RASL11B: variants seen among roughly 807,000 people sequenced by gnomAD.
RASL11B encodes ras-like protein family member 11B.
RASL11B carries 14 observed loss-of-function variants against 22.9 expected under a neutral mutation model. The observed-to-expected ratio is 0.61, with a 90% CI of 0.40 to 0.96. The LOEUF is 0.96. Among genes scored for constraint, RASL11B ranks in the 40% least tolerant of loss-of-function variants. RASL11B has a pLI of 0.00. For missense variants in RASL11B, 261 were observed against 322.0 expected (o/e 0.81, Z 1.45); for synonymous variants, 143 against 130.2 (o/e 1.10, Z -0.67).
Position 52,866,718 on chromosome 4 carries a change from A to C in RASL11B, c.*913A>C, listed in dbSNP as rs1718268556. 1.3e-5 allele frequency: 2 copies of C among 152,646 alleles called. No homozygotes were observed. The highest frequency in any genetic ancestry group is 4.1e-4 in the South Asian group (2 of 4,834). 9.5% of individuals were successfully genotyped at this position (152,646 alleles called of 1,614,324 possible). A position where few individuals can be genotyped will look rare whatever the true frequency, so the allele number is the denominator to read the frequency against. ...ATACTAAAACACTTATCTTACAGCAAGTGAACAGGGGCTACCTGCCACATC... is the reference window on the plus strand; with the variant it reads ...ATACTAAAACACTTATCTTACAGCACGTGAACAGGGGCTACCTGCCACATC... On this transcript the variant is annotated 3_prime_UTR_variant, in exon 4 of 4. Coordinates refer to ENST00000248706, the MANE Select transcript of RASL11B (RefSeq NM_023940.3).
At position 52,863,646 on chromosome 4, in the gene RASL11B, T is replaced by TAA. The variant is rs368078680; in HGVS notation, c.199+335_199+336dup. ...CTTCAAAACACTCCTGCAAAAGTCG[T>TAA]AAAAAAAAAAAAAAGGAGTCCCTAG... is the stretch of plus-strand genomic sequence containing the variant. On this transcript the variant is annotated intron_variant, in intron 2 of 3. Transcript: ENST00000248706. 185 of 194,548 alleles carry TAA rather than the reference T, an allele frequency of 9.5e-4. 1 individual carries two copies. Among genetic ancestry groups the TAA allele is most frequent in the East Asian group, 2.8e-3 (25 of 8,968 alleles). The allele number at this position is 194,548 out of a possible 1,614,324, so 12.1% of individuals were successfully genotyped here. A position where few individuals can be genotyped will look rare whatever the true frequency, so the allele number is the denominator to read the frequency against.
In RASL11B at chr4:52,862,400, T is replaced by G; in HGVS notation, c.-108T>G. 8.5e-7 allele frequency: 1 copy of G among 1,175,086 alleles called. No homozygotes were observed. Among genetic ancestry groups the G allele is most frequent in the East Asian group, 2.8e-5 (1 of 35,468 alleles). 72.8% of individuals were successfully genotyped at this position (1,175,086 alleles called of 1,614,324 possible). A position where few individuals can be genotyped will look rare whatever the true frequency, so the allele number is the denominator to read the frequency against. On this transcript the variant is annotated 5_prime_UTR_variant, in exon 1 of 4. Transcript: ENST00000248706. ...TACCTGCACTTATTTATTGTTGTTATTTCTTACCGCGGAGCCCCGCAGTCG... is the reference window on the plus strand; with the variant it reads ...TACCTGCACTTATTTATTGTTGTTAGTTCTTACCGCGGAGCCCCGCAGTCG...
chr4:52,862,360 G>GGCCCCCCC lies in RASL11B; in HGVS notation c.-148_-147insGCCCCCCC. ...GAGCCCTGCGGAACCTCGGCGCTCG[G>GGCCCCCCC]CCCCACCCCGCCCGTACCTGCACTT... is the stretch of plus-strand genomic sequence containing the variant. On this transcript the variant is annotated 5_prime_UTR_variant, in exon 1 of 4. Transcript: ENST00000248706. 1.5e-6 allele frequency: 1 copy of GGCCCCCCC among 688,876 alleles called. No homozygotes were observed. Among genetic ancestry groups the GGCCCCCCC allele is most frequent in the Non-Finnish European group, 2.2e-6 (1 of 454,512 alleles). The allele number at this position is 688,876 out of a possible 1,614,324, so 42.7% of individuals were successfully genotyped here.
At position 52,865,831 on chromosome 4, in the gene RASL11B, T is replaced by G; in HGVS notation, c.*26T>G. The G allele has an allele frequency of 2.0e-4, 321 of 1,570,540 alleles. No homozygotes were observed. Among genetic ancestry groups the G allele is most frequent in the Non-Finnish European group, 2.5e-4 (286 of 1,144,350 alleles). ...AGCAGGAGGAGCACTCAAGGGGGTT[T>G]GGTCTTCCCAGGAAGAGGGCCTGAG... On this transcript the variant is annotated 3_prime_UTR_variant, in exon 4 of 4. Transcript: ENST00000248706.
intron 1 of RASL11B, 96 bp downstream of exon 1, chr4:52,862,745 C>A: frequency 7.3e-7 from 1 of 1,360,972 alleles, no homozygotes; most frequent in Non-Finnish European, 9.7e-7. Flanking sequence ...AGCTGCAGCC[C>A]GACCGCTCTC....
At chr4:52,862,756 C>G (rs1718183823) in intron 1 of RASL11B, 107 bp downstream of exon 1, 2 of 1,301,558 alleles carry the variant, frequency 1.5e-6, no homozygotes, top group African/African-American at 1.5e-5. Flanking sequence ...GACCGCTCTC[C>G]GTCCCCGCGC....
chr4:52,863,391 G>T, intron 2 of RASL11B, 67 bp downstream of exon 2: 2 of 1,345,052 alleles, frequency 1.5e-6, no homozygotes, highest in East Asian at 2.4e-5. Context: ...ATTTTCCAGC[G>T]CTTCCCAGGG....
In RASL11B at chr4:52,863,310, A is replaced by G. The variant is rs771982842; in HGVS notation, c.185A>G (p.Tyr62Cys). Residue 62 changes from tyrosine (Y) to cysteine (C), a missense_variant, in exon 2 of 4, where the codon TAT becomes TGT. Tyr to Cys is a radical substitution (Grantham distance 194). Transcript: ENST00000248706. ...RFLTKRFIGDYERNAGNLYTR... is the reference protein window; with the variant it reads ...RFLTKRFIGDCERNAGNLYTR... ...CTCACCAAACGATTCATCGGTGACT[A>G]TGAAAGAAATGCAGGTGAGACAATG... 2.5e-6 allele frequency: 4 copies of G among 1,613,656 alleles called. No homozygotes were observed. Among genetic ancestry groups the G allele is most frequent in the Non-Finnish European group, 3.4e-6 (4 of 1,179,786 alleles).
chr4:52,866,182 C>CATTG lies in RASL11B; in HGVS notation c.*380_*383dup, dbSNP rs1198317034. On this transcript the variant is annotated 3_prime_UTR_variant, in exon 4 of 4. Coordinates refer to ENST00000248706, the MANE Select transcript of RASL11B (RefSeq NM_023940.3). ...AGTGGGAATGAAAGAACAGATTAAG[C>CATTG]ATTGATAGGCTTTCTTTTTTCCCCC... 1 of 191,648 alleles carries CATTG rather than the reference C, an allele frequency of 5.2e-6. No individual in the cohort carries two copies. The highest frequency in any genetic ancestry group is 2.3e-5 in the African/African-American group (1 of 42,634). 11.9% of individuals were successfully genotyped at this position (191,648 alleles called of 1,614,324 possible).
rs369675923 is a variant in RASL11B at position 52,862,415 on chromosome 4, C to T, written c.-93C>T. On this transcript the variant is annotated 5_prime_UTR_variant, in exon 1 of 4. Coordinates refer to ENST00000248706, the MANE Select transcript of RASL11B (RefSeq NM_023940.3). ...ATTGTTGTTATTTCTTACCGCGGAGCCCCGCAGTCGGGTCCTCCCGCCCGC... is the reference window on the plus strand; with the variant it reads ...ATTGTTGTTATTTCTTACCGCGGAGTCCCGCAGTCGGGTCCTCCCGCCCGC... The T allele has an allele frequency of 1.6e-5, 21 of 1,301,752 alleles. No individual in the cohort carries two copies. The highest frequency in any genetic ancestry group is 1.3e-4 in the South Asian group (9 of 70,074). 80.6% of individuals were successfully genotyped at this position (1,301,752 alleles called of 1,614,324 possible).
chr4:52,865,584 T>C lies in RASL11B; in HGVS notation c.526T>C (p.Cys176Arg), dbSNP rs1355551321. Residue 176 changes from cysteine to arginine, a missense_variant, in exon 4 of 4, where the codon TGC becomes CGC. Physicochemically the swap from Cys to Arg is radical, Grantham distance 180 (BLOSUM62 -3). Coordinates refer to ENST00000248706, the MANE Select transcript of RASL11B (RefSeq NM_023940.3). ...LGLQLASMLG[C>R]SFYEVSVSEN... Reference sequence around the variant, plus strand: ...ACTGCAGCTAGCCAGCATGCTAGGCTGCTCATTCTATGAAGTGTCTGTCAG... The same window carrying C: ...ACTGCAGCTAGCCAGCATGCTAGGCCGCTCATTCTATGAAGTGTCTGTCAG... The C allele has an allele frequency of 6.2e-6, 10 of 1,614,086 alleles. No homozygotes were observed. Among genetic ancestry groups the C allele is most frequent in the African/African-American group, 2.7e-5 (2 of 74,930 alleles).
At position 52,865,977 on chromosome 4, in the gene RASL11B, G is replaced by C. The variant is rs926772366; in HGVS notation, c.*172G>C. The C allele has an allele frequency of 1.8e-5, 11 of 610,984 alleles. No homozygotes were observed. The highest frequency in any genetic ancestry group is 3.2e-5 in the Non-Finnish European group (11 of 347,792). The allele number at this position is 610,984 out of a possible 1,614,324, so 37.8% of individuals were successfully genotyped here. ...AGAAAAGGAAGTGTTGTTCTGAGCA[G>C]GGGGACAGGATTGATGAGGCTTGAA... On this transcript the variant is annotated 3_prime_UTR_variant, in exon 4 of 4. Transcript: ENST00000248706.
At chr4:52,864,270 T>G (rs1042169360) in intron 2 of RASL11B, 1 of 474,186 alleles carries the variant, frequency 2.1e-6, no homozygotes, top group African/African-American at 2.0e-5. Context: ...ACTTGCAAAC[T>G]TTGCCCTGGT....
rs1560463781 is a variant in RASL11B, at chr4:52,864,505, TAGA to T, written c.230_232del (p.Glu77del). ...AATCTCTATACTAGACAAGTTCAGA[TAGA>T]AGGTGAAACCCTGGCTCTTCAGGTT... On this transcript the variant is annotated inframe_deletion, in exon 3 of 4. Transcript: ENST00000248706. The T allele has an allele frequency of 6.2e-7, 1 of 1,609,210 alleles. No homozygotes were observed. Among genetic ancestry groups the T allele is most frequent in the South Asian group, 1.1e-5 (1 of 90,974 alleles).
Position 52,862,428 on chromosome 4 carries a change from TC to T in RASL11B, c.-78del. 5.8e-6 allele frequency: 8 copies of T among 1,386,300 alleles called. No homozygotes were observed. Among genetic ancestry groups the T allele is most frequent in the Non-Finnish European group, 7.7e-6 (8 of 1,045,322 alleles). The allele number at this position is 1,386,300 out of a possible 1,614,324, so 85.9% of individuals were successfully genotyped here. A position where few individuals can be genotyped will look rare whatever the true frequency, so the allele number is the denominator to read the frequency against. ...CTTACCGCGGAGCCCCGCAGTCGGGTCCTCCCGCCCGCTCCCGCGCAGCGCT... is the reference window on the plus strand; with the variant it reads ...CTTACCGCGGAGCCCCGCAGTCGGGTCTCCCGCCCGCTCCCGCGCAGCGCT... On this transcript the variant is annotated 5_prime_UTR_variant, in exon 1 of 4. Coordinates refer to ENST00000248706, the MANE Select transcript of RASL11B (RefSeq NM_023940.3).
Position 52,862,794 on chromosome 4 carries a change from C to T in RASL11B, c.142+145C>T, listed in dbSNP as rs114873917. On this transcript the variant is annotated intron_variant, in intron 1 of 3. Coordinates refer to ENST00000248706, the MANE Select transcript of RASL11B (RefSeq NM_023940.3). Reference sequence around the variant, plus strand: ...GGAGCCGCTGCCCCTTGGGAGTGGGCTTAGCCGTTGTCTACGCCACCCGCC... The same window carrying T: ...GGAGCCGCTGCCCCTTGGGAGTGGGTTTAGCCGTTGTCTACGCCACCCGCC... 3.4e-3 allele frequency: 3,434 copies of T among 995,548 alleles called. 60 individuals carry two copies. The African/African-American group carries it at 0.041, about 12-fold the overall frequency. 61.7% of individuals were successfully genotyped at this position (995,548 alleles called of 1,614,324 possible). A position where few individuals can be genotyped will look rare whatever the true frequency, so the allele number is the denominator to read the frequency against.
chr4:52,863,200 G>C, intron 1 of RASL11B, 68 bp from the exon 2 acceptor site: 3 of 1,380,218 alleles, frequency 2.2e-6, no homozygotes. Flanking sequence ...TTTCCAGGCA[G>C]GGGGTGGGGT....
chr4:52,863,160 G>A, intron 1 of RASL11B, 108 bp from the exon 2 acceptor site: 1 of 903,998 alleles, frequency 1.1e-6, no homozygotes, highest in Non-Finnish European at 1.8e-6. Context: ...TCACTTGGTG[G>A]CCATCTATGG....
Position 52,865,649 on chromosome 4 carries a change from C to T in RASL11B, c.591C>T (p.Leu197=). ...ATGTCTACAGCGCCTTCCACGTCCT[C>T]TGTAAAGAGGTCAGTCACAAACAGC... ...YNDVYSAFHV[L]CKEVSHKQQP... Residue 197 remains leucine, a synonymous_variant, in exon 4 of 4, where the codon CTC becomes CTT. Transcript: ENST00000248706. 1 of 1,614,180 alleles carries T rather than the reference C, an allele frequency of 6.2e-7. No individual in the cohort carries two copies. The highest frequency in any genetic ancestry group is 8.5e-7 in the Non-Finnish European group (1 of 1,180,032).
Sources: gnomAD v4.1 joint callset for allele counts on GRCh38, gnomAD v4.1.1 for gene constraint, MANE v1.5 for transcripts, NCBI Gene and HGNC (gene_info 2026-07-23, HGNC 2026-07-21) for gene names.